LRRC4C: variants seen among roughly 807,000 people sequenced by gnomAD.
The protein encoded by LRRC4C is leucine-rich repeat-containing protein 4C.
LRRC4C carries 5 observed loss-of-function variants against 33.6 expected under a neutral mutation model. The ratio of observed to expected loss-of-function variants is 0.15; its 90% CI spans 0.08 to 0.31. The LOEUF (loss-of-function observed/expected upper bound fraction) is 0.31, where lower values mean the gene tolerates loss of function less well. Among genes scored for constraint, LRRC4C ranks in the 10% least tolerant of loss-of-function variants. The pLI is 1.00. For missense variants in LRRC4C, 560 were observed against 796.7 expected, an observed-to-expected ratio of 0.70 and a Z score of 3.58; for synonymous variants, 329 against 302.0, an observed-to-expected ratio of 1.09 and a Z score of -0.93.
chr11:41,425,164 T>G (rs907081158), intron 1 of LRRC4C, among the ~76,000 whole-genome samples: 2 of 152,122 alleles, frequency 1.3e-5, no homozygotes, highest in African/African-American at 4.8e-5. Flanking sequence ...GGAGTCATCA[T>G]GATTAATTTC....
At chr11:40,935,681 A>C (rs1957847975) in intron 1 of LRRC4C, among the ~76,000 whole-genome samples, 1 of 152,104 alleles carries the variant, frequency 6.6e-6, no homozygotes, top group South Asian at 2.1e-4. Context: ...TGTTCTTACA[A>C]GAATGAAATT....
chr11:40,279,677 A>G (rs1396087740), intron 4 of LRRC4C, among the ~76,000 whole-genome samples: 2 of 152,136 alleles, frequency 1.3e-5, no homozygotes, highest in East Asian at 3.9e-4. Flanking sequence ...TGAGGTTCAG[A>G]ATTATAAATA....
chr11:40,986,424 C>T (rs535119694), intron 1 of LRRC4C, among the ~76,000 whole-genome samples: 1 of 151,956 alleles, frequency 6.6e-6, no homozygotes, highest in Non-Finnish European at 1.5e-5. Flanking sequence ...ATAGCGAGAC[C>T]GCATCTCCAC....
intron 3 of LRRC4C, among the ~76,000 whole-genome samples, chr11:40,489,136 A>G (rs1191007523): frequency 6.6e-6 from 1 of 152,062 alleles, no homozygotes; most frequent in African/African-American, 2.4e-5. Flanking sequence ...ATCCCACTTC[A>G]TTATATCCCA....
rs192427284 is a variant in LRRC4C at position 41,352,979 on chromosome 11, A to G, written c.-496+106452T>C. Among the ~76,000 whole-genome samples, 5 of 152,258 alleles carry G rather than the reference A, an allele frequency of 3.3e-5. No homozygotes were observed. The East Asian group carries it at 9.7e-4, about 29-fold the overall frequency. On this transcript the variant is annotated intron_variant, in intron 1 of 6. Coordinates refer to ENST00000528697, the MANE Select transcript of LRRC4C (RefSeq NM_001258419.2). ...CTCAAAGAACGAGAAAAACAAGAGC[A>G]CATCAACCCCAATGCTAGCAGACTT...
chr11:41,247,742 C>T (rs958124213), intron 1 of LRRC4C, among the ~76,000 whole-genome samples: 5 of 152,130 alleles, frequency 3.3e-5, no homozygotes, highest in Non-Finnish European at 5.9e-5. Context: ...CAAAGAGGTG[C>T]GGATGGCAAA....
At chr11:40,142,744 C>T (rs1857458293) in intron 5 of LRRC4C, among the ~76,000 whole-genome samples, 1 of 152,018 alleles carries the variant, frequency 6.6e-6, no homozygotes, top group Non-Finnish European at 1.5e-5. Flanking sequence ...TATCTATACT[C>T]ACTCTCTAGG....
At chr11:40,540,831 C>A (rs535681705) in intron 3 of LRRC4C, among the ~76,000 whole-genome samples, 17 of 152,234 alleles carry the variant, frequency 1.1e-4, no homozygotes, top group Admixed American at 2.0e-4. Flanking sequence ...GAAAGGTCCA[C>A]AATCTCCTAT....
intron 2 of LRRC4C, among the ~76,000 whole-genome samples, chr11:40,761,724 CAATGTATGATA>C (rs1036069413): frequency 2.0e-5 from 3 of 152,034 alleles, no homozygotes; most frequent in African/African-American, 7.2e-5. Flanking sequence ...CACACCTTTT[CAATGTATGATA>C]AAAGGCCAGT....
At chr11:40,473,895 G>A (rs746128695) in intron 3 of LRRC4C, among the ~76,000 whole-genome samples, 1 of 152,104 alleles carries the variant, frequency 6.6e-6, no homozygotes, top group Non-Finnish European at 1.5e-5. Flanking sequence ...TAACTTAGAA[G>A]GGATGTGAAG....
intron 1 of LRRC4C, among the ~76,000 whole-genome samples, chr11:41,258,450 A>T (rs1013988701): frequency 1.2e-4 from 18 of 152,028 alleles, no homozygotes; most frequent in African/African-American, 4.1e-4. Flanking sequence ...ATATAATTTT[A>T]AAATGTTTTA....
Position 40,984,359 on chromosome 11 carries a change from AG to A in LRRC4C, c.-495-50637del, listed in dbSNP as rs771984003. On this transcript the variant is annotated intron_variant, in intron 1 of 6. Transcript: ENST00000528697. ...GAAAGAAAGTAGGAAAGAGAAAGAA[AG>A]AAAAAAGAAAGAAAGAAAGAAAGAA... 7.8e-3 allele frequency among the ~76,000 whole-genome samples: 790 copies of A among 100,694 alleles called. 5 individuals are homozygous for A. Among genetic ancestry groups the A allele is most frequent in the Non-Finnish European group, 0.013 (600 of 44,824 alleles). 66.1% of individuals were successfully genotyped at this position (100,694 alleles called of 152,430 possible).
At chr11:41,235,710 C>A (rs531017904) in intron 1 of LRRC4C, among the ~76,000 whole-genome samples, 2 of 152,094 alleles carry the variant, frequency 1.3e-5, no homozygotes, top group Admixed American at 1.3e-4. Flanking sequence ...AGGAAATCTT[C>A]GGTATCACTG....
At chr11:40,156,326 T>C (rs1858687993) in intron 5 of LRRC4C, among the ~76,000 whole-genome samples, 1 of 152,102 alleles carries the variant, frequency 6.6e-6, no homozygotes, top group African/African-American at 2.4e-5. Context: ...CTCTTCAACA[T>C]AGTACTAGAA....
intron 4 of LRRC4C, among the ~76,000 whole-genome samples, chr11:40,316,107 T>C (rs2136802428): frequency 6.6e-6 from 1 of 152,134 alleles, no homozygotes; most frequent in Non-Finnish European, 1.5e-5. Flanking sequence ...GTCTATGCAT[T>C]TTTTAATCAA....
chr11:40,438,388 A>G (rs1951235737), intron 3 of LRRC4C, among the ~76,000 whole-genome samples: 1 of 152,152 alleles, frequency 6.6e-6, no homozygotes, highest in Non-Finnish European at 1.5e-5. Flanking sequence ...TCATCCCCCA[A>G]ATTATTTTAT....
intron 1 of LRRC4C, among the ~76,000 whole-genome samples, chr11:41,240,812 AAC>A (rs1330939031): frequency 2.0e-5 from 3 of 152,068 alleles, no homozygotes; most frequent in Admixed American, 6.6e-5. Context: ...TGAGAGAAGT[AAC>A]ACACACGCAC....
At chr11:41,363,734 G>T (rs1319727757) in intron 1 of LRRC4C, among the ~76,000 whole-genome samples, 1 of 152,064 alleles carries the variant, frequency 6.6e-6, no homozygotes, top group Non-Finnish European at 1.5e-5. Context: ...ATTTCTCAAG[G>T]TTATGGTTTT....
intron 2 of LRRC4C, among the ~76,000 whole-genome samples, chr11:40,893,823 ACACAC>A (rs771903217): frequency 5.7e-4 from 70 of 122,112 alleles, no homozygotes; most frequent in Non-Finnish European, 7.3e-4. Context: ...ATTATAACAC[ACACAC>A]ACACACACAC....
Sources: allele counts gnomAD v4.1 joint callset (sites outside exome capture counted in the v4.1 genomes callset), GRCh38; gene constraint gnomAD v4.1.1; transcripts MANE v1.5; gene names NCBI Gene and HGNC (gene_info 2026-07-23, HGNC 2026-07-21).